SOX5: variants seen among roughly 807,000 people sequenced by gnomAD.
The protein encoded by SOX5 is transcription factor SOX-5.
Under a neutral mutation model 92.0 loss-of-function variants are expected in SOX5, and 9 were observed. The observed-to-expected ratio is 0.10, with a 90% CI of 0.06 to 0.17. SOX5 has a LOEUF of 0.17. Ranked by LOEUF, SOX5 falls within the 10% of genes least tolerant of loss-of-function variation. The pLI, the probability that SOX5 is intolerant of heterozygous loss-of-function variation, is 1.00. For missense variants in SOX5, 642 were observed against 944.5 expected (o/e 0.68, Z 4.20); for synonymous variants, 344 against 336.3 (o/e 1.02, Z -0.25).
intron 1 of SOX5, among the ~76,000 whole-genome samples, chr12:24,432,517 TA>T (rs1253575769): frequency 3.3e-5 from 5 of 152,124 alleles, no homozygotes; most frequent in Admixed American, 3.3e-4. Flanking sequence ...AAGTTACATA[TA>T]AAATCCAGGA....
chr12:24,066,861 G>A (rs557891839), intron 4 of SOX5, among the ~76,000 whole-genome samples: 1 of 152,306 alleles, frequency 6.6e-6, no homozygotes, highest in South Asian at 2.1e-4. Flanking sequence ...AACACAGGTG[G>A]TCAGAGATTT....
intron 3 of SOX5, among the ~76,000 whole-genome samples, chr12:23,773,044 C>T (rs2094984105): frequency 6.6e-6 from 1 of 152,106 alleles, no homozygotes; most frequent in Non-Finnish European, 1.5e-5. Context: ...GTAGGAGAAA[C>T]ATTATTCTAA....
chr12:24,475,729 C>T (rs868378926), intron 1 of SOX5, among the ~76,000 whole-genome samples: 6 of 152,166 alleles, frequency 3.9e-5, no homozygotes. Context: ...CACCTGTAAT[C>T]CCAGCACTTT....
intron 9 of SOX5, among the ~76,000 whole-genome samples, 199 bp from the exon 10 acceptor site, chr12:23,576,037 G>A (rs2136696756): frequency 6.6e-6 from 1 of 152,286 alleles, no homozygotes; most frequent in African/African-American, 2.4e-5. Context: ...AATACCTTTT[G>A]TATAAGAGAA....
chr12:24,090,344 C>T (rs1944494147), intron 4 of SOX5, among the ~76,000 whole-genome samples: 1 of 152,034 alleles, frequency 6.6e-6, no homozygotes. Flanking sequence ...AACTCACATT[C>T]ACTTACATTT....
At chr12:23,770,340 A>G (rs919689305) in intron 3 of SOX5, among the ~76,000 whole-genome samples, 1 of 152,056 alleles carries the variant, frequency 6.6e-6, no homozygotes, top group Non-Finnish European at 1.5e-5. Context: ...AAAACCCTGA[A>G]TTATCAAGGC....
intron 1 of SOX5, among the ~76,000 whole-genome samples, chr12:24,428,482 G>T (rs974591402): frequency 6.6e-6 from 1 of 151,876 alleles, no homozygotes; most frequent in Admixed American, 6.6e-5. Context: ...CTTTTAAAAA[G>T]CTAATTTGGC....
upstream of SOX5, among the ~76,000 whole-genome samples, chr12:23,954,244 C>G (rs1946007633): frequency 6.6e-6 from 1 of 151,870 alleles, no homozygotes; most frequent in African/African-American, 2.4e-5. Context: ...CCCTAGTTTT[C>G]ACATCTCATA....
At chr12:24,064,845 G>T (rs1180851934) in intron 4 of SOX5, among the ~76,000 whole-genome samples, 1 of 152,140 alleles carries the variant, frequency 6.6e-6, no homozygotes, top group East Asian at 1.9e-4. Flanking sequence ...CATAAGGATG[G>T]GTTCATGTGA....
At chr12:23,831,319 G>A (rs1353262425) in intron 3 of SOX5, among the ~76,000 whole-genome samples, 2 of 151,948 alleles carry the variant, frequency 1.3e-5, no homozygotes, top group East Asian at 1.9e-4. Flanking sequence ...ATATGTTACT[G>A]TTTTGTTCAT....
chr12:24,410,494 G>A (rs921628963), intron 1 of SOX5, among the ~76,000 whole-genome samples: 22 of 152,192 alleles, frequency 1.4e-4, no homozygotes, highest in Non-Finnish European at 1.5e-4. Context: ...GTTATAAGAC[G>A]TAGGTCAAGG....
intron 4 of SOX5, among the ~76,000 whole-genome samples, chr12:24,123,776 T>C (rs544794433): frequency 6.0e-4 from 92 of 152,308 alleles, no homozygotes; most frequent in African/African-American, 2.1e-3. Context: ...ACAGTTACAA[T>C]TGTGTGTACC....
intron 4 of SOX5, among the ~76,000 whole-genome samples, chr12:23,984,700 T>C (rs1304262268): frequency 6.6e-6 from 1 of 152,032 alleles, no homozygotes; most frequent in Non-Finnish European, 1.5e-5. Flanking sequence ...AAAATAAGAG[T>C]GTATTTCAAA....
intron 7 of SOX5, among the ~76,000 whole-genome samples, chr12:23,646,982 C>T (rs2080939359): frequency 6.6e-6 from 1 of 152,184 alleles, no homozygotes; most frequent in African/African-American, 2.4e-5. Flanking sequence ...TTCTTAATAG[C>T]ATTTATAATT....
chr12:23,944,123 G>A (rs1161992210), intron 1 of SOX5: 1 of 151,968 alleles, frequency 6.6e-6, no homozygotes, highest in Non-Finnish European at 1.5e-5. Context: ...AATTCTGTTT[G>A]TTTACTACAT....
intron 3 of SOX5, among the ~76,000 whole-genome samples, chr12:24,273,888 T>G (rs779389387): frequency 5.9e-5 from 9 of 152,204 alleles, no homozygotes; most frequent in Non-Finnish European, 1.2e-4. Flanking sequence ...TATTATTGTT[T>G]AGTCTAAAAA....
Position 24,439,927 on chromosome 12 carries a change from T to C in SOX5, c.-250-71288A>G, listed in dbSNP as rs11047440. Among the ~76,000 whole-genome samples the C allele has an allele frequency of 7.3e-3, 1,114 of 152,198 alleles. 16 individuals carry two copies. The highest frequency in any genetic ancestry group is 0.025 in the African/African-American group (1,037 of 41,532). ...AAATAAATAAGGAAAATCTCATTGC[T>C]AGACATATTCCTCGAAGTCAGGAAA... On this transcript the variant is annotated intron_variant, in intron 1 of 4. Coordinates refer to the SOX5 transcript ENST00000446891.
chr12:23,567,528 A>G (rs1412802151), intron 10 of SOX5, among the ~76,000 whole-genome samples: 2 of 139,554 alleles, frequency 1.4e-5, no homozygotes, highest in African/African-American at 5.5e-5. Context: ...TGGCATGATC[A>G]TAGCTCACTG....
chr12:23,559,378 C>G (rs949890909), intron 11 of SOX5, among the ~76,000 whole-genome samples: 3 of 152,078 alleles, frequency 2.0e-5, no homozygotes, highest in African/African-American at 7.2e-5. Flanking sequence ...CTACAATTAA[C>G]CAGAGATGAC....
Sources: allele counts gnomAD v4.1 joint callset (sites outside exome capture counted in the v4.1 genomes callset), GRCh38; gene constraint gnomAD v4.1.1; transcripts MANE v1.5; gene names NCBI Gene and HGNC (gene_info 2026-07-23, HGNC 2026-07-21).